Variants in GALNT17 observed in about 807,000 individuals in gnomAD.
The protein encoded by GALNT17 is polypeptide N-acetylgalactosaminyltransferase 17, also known as UDP-GalNAc:polypeptide N-acetylgalactosaminyltransferase-like 3.
GALNT17 carries 29 observed loss-of-function variants against 63.7 expected under a neutral mutation model. The ratio of observed to expected loss-of-function variants is 0.46; its 90% CI spans 0.34 to 0.62. The LOEUF is 0.62. Ranked by LOEUF, GALNT17 falls within the 20% of genes least tolerant of loss-of-function variation. The pLI, the probability that GALNT17 is intolerant of heterozygous loss-of-function variation, is 0.01. For synonymous variants in GALNT17, 305 were observed against 318.3 expected, an observed-to-expected ratio of 0.96 and a Z score of 0.45; for missense variants, 603 against 799.6, an observed-to-expected ratio of 0.75 and a Z score of 2.97.
intron 6 of GALNT17, among the ~76,000 whole-genome samples, chr7:71,621,036 T>C (rs1790281540): frequency 6.6e-6 from 1 of 152,214 alleles, no homozygotes; most frequent in South Asian, 2.1e-4. Flanking sequence ...TTACACTTAG[T>C]TGCATTTTTT....
intron 1 of GALNT17, among the ~76,000 whole-genome samples, chr7:71,288,452 C>T (rs1411291585): frequency 2.6e-5 from 4 of 152,028 alleles, no homozygotes; most frequent in Admixed American, 6.6e-5. Flanking sequence ...CCTGTCCTTT[C>T]TGGCATCATT....
chr7:71,384,068 G>T (rs1792895236), intron 2 of GALNT17, among the ~76,000 whole-genome samples: 3 of 152,100 alleles, frequency 2.0e-5, no homozygotes, highest in African/African-American at 7.2e-5. Flanking sequence ...GTGCACAAGG[G>T]TTTCAATTTC....
intron 1 of GALNT17, among the ~76,000 whole-genome samples, chr7:71,153,506 C>G (rs1263832389): frequency 6.6e-6 from 1 of 152,098 alleles, no homozygotes; most frequent in Non-Finnish European, 1.5e-5. Flanking sequence ...GATGGAAAGT[C>G]TGTTTTCATG....
At chr7:71,572,102 T>G (rs1203006040) in intron 6 of GALNT17, among the ~76,000 whole-genome samples, 2 of 151,814 alleles carry the variant, frequency 1.3e-5, no homozygotes, top group Non-Finnish European at 2.9e-5. Context: ...ATATACAGAT[T>G]TTGGTGGCTC....
chr7:71,410,831 A>G (rs1450950300), intron 3 of GALNT17, among the ~76,000 whole-genome samples: 1 of 152,164 alleles, frequency 6.6e-6, no homozygotes, highest in Admixed American at 6.5e-5. Flanking sequence ...TCCTGATCAC[A>G]GGCAGTGTTC....
intron 5 of GALNT17, among the ~76,000 whole-genome samples, chr7:71,532,010 T>C (rs1468096784): frequency 6.6e-6 from 1 of 152,078 alleles, no homozygotes; most frequent in Non-Finnish European, 1.5e-5. Flanking sequence ...CCAAGGGGTG[T>C]TAATGGCAAA....
At chr7:71,256,461 C>T (rs902981303) in intron 1 of GALNT17, among the ~76,000 whole-genome samples, 1 of 152,200 alleles carries the variant, frequency 6.6e-6, no homozygotes, top group Non-Finnish European at 1.5e-5. Flanking sequence ...GTCCCAGCTA[C>T]TTGGGAAGCT....
chr7:71,584,352 T>C (rs904826390), intron 6 of GALNT17, among the ~76,000 whole-genome samples: 1 of 152,220 alleles, frequency 6.6e-6, no homozygotes, highest in African/African-American at 2.4e-5. Context: ...GATGGAAAAC[T>C]TGAAACATAC....
At chr7:71,681,517 A>G (rs776054159) in intron 9 of GALNT17, among the ~76,000 whole-genome samples, 10 of 152,058 alleles carry the variant, frequency 6.6e-5, no homozygotes, top group Non-Finnish European at 1.3e-4. Context: ...CACTCCCCAC[A>G]CCACCTTCCT....
chr7:71,234,942 C>G (rs961327763), intron 1 of GALNT17, among the ~76,000 whole-genome samples: 1 of 152,072 alleles, frequency 6.6e-6, no homozygotes, highest in African/African-American at 2.4e-5. Context: ...TGATTTTGAT[C>G]TTAAGGATAA....
intron 6 of GALNT17, among the ~76,000 whole-genome samples, chr7:71,600,248 G>GA (rs751929755): frequency 0.045 from 6,169 of 137,618 alleles, 416 homozygotes; most frequent in African/African-American, 0.15. Context: ...ATTAGGGAAG[G>GA]AAAAAAAAAA....
At chr7:71,298,841 A>G (rs916778105) in intron 1 of GALNT17, among the ~76,000 whole-genome samples, 2 of 152,126 alleles carry the variant, frequency 1.3e-5, no homozygotes, top group African/African-American at 4.8e-5. Context: ...TTGGTAGCCC[A>G]ATTCAACCCT....
At chr7:71,588,845 A>G (rs2116912808) in intron 6 of GALNT17, among the ~76,000 whole-genome samples, 1 of 152,184 alleles carries the variant, frequency 6.6e-6, no homozygotes, top group African/African-American at 2.4e-5. Context: ...CACTGGGGAA[A>G]AATCCAAGAA....
chr7:71,183,757 G>GCT (rs1788779265), intron 1 of GALNT17, among the ~76,000 whole-genome samples: 3 of 152,096 alleles, frequency 2.0e-5, no homozygotes, highest in African/African-American at 7.2e-5. Flanking sequence ...AATTAGCTGG[G>GCT]CGTGATGGCG....
intron 5 of GALNT17, among the ~76,000 whole-genome samples, chr7:71,484,578 GTGAGT>G (rs1198170556): frequency 1.3e-5 from 2 of 152,128 alleles, no homozygotes; most frequent in Non-Finnish European, 2.9e-5. Flanking sequence ...CCACAAACAT[GTGAGT>G]AATGCATTGT....
chr7:71,360,989 A>G (rs1338426624), intron 2 of GALNT17, among the ~76,000 whole-genome samples: 1 of 152,206 alleles, frequency 6.6e-6, no homozygotes, highest in African/African-American at 2.4e-5. Context: ...GCTGTATTTC[A>G]CATCAAGAAA....
intron 4 of GALNT17, among the ~76,000 whole-genome samples, chr7:71,419,635 G>T (rs1786623426): frequency 6.6e-6 from 1 of 151,938 alleles, no homozygotes; most frequent in Non-Finnish European, 1.5e-5. Flanking sequence ...GGTGAGAGAG[G>T]TGTGGGAGGT....
chr7:71,569,954 A>G (rs1323624446), intron 5 of GALNT17, among the ~76,000 whole-genome samples: 1 of 152,188 alleles, frequency 6.6e-6, no homozygotes, highest in Non-Finnish European at 1.5e-5. Flanking sequence ...AGAAATTTCC[A>G]AACTGCTTTC....
intron 9 of GALNT17, among the ~76,000 whole-genome samples, chr7:71,696,052 T>C (rs887358041): frequency 6.6e-6 from 1 of 152,244 alleles, no homozygotes; most frequent in African/African-American, 2.4e-5. Context: ...AAAGCAGATC[T>C]GAATTAATGG....
Sources: allele counts gnomAD v4.1 joint callset (sites outside exome capture counted in the v4.1 genomes callset), GRCh38; gene constraint gnomAD v4.1.1; transcripts MANE v1.5; gene names NCBI Gene and HGNC (gene_info 2026-07-23, HGNC 2026-07-21).